The following UGT1A9 variants were observed in gnomAD, a reference collection of about 807,000 sequenced individuals.
UGT1A9 encodes UDP-glucuronosyltransferase 1A9.
Under a neutral mutation model 45.0 loss-of-function variants are expected in UGT1A9, and 35 were observed. The observed-to-expected ratio is 0.78, with a 90% CI of 0.59 to 1.03. UGT1A9 has a LOEUF of 1.03. UGT1A9 is among the 50% of genes least tolerant of loss of function. The probability of loss-of-function intolerance (pLI) is 0.00; values close to 1 mark genes in which losing one functional copy is unlikely to be tolerated. For synonymous variants in UGT1A9, 278 were observed against 250.6 expected (o/e 1.11, Z -1.03); for missense variants, 687 against 666.6 (o/e 1.03, Z -0.34).
intron 1 of UGT1A9, among the ~76,000 whole-genome samples, chr2:233,720,265 G>T (rs928123485): frequency 1.2e-4 from 19 of 152,154 alleles, no homozygotes; most frequent in Admixed American, 1.0e-3. Flanking sequence ...AGAGGGATCT[G>T]TCCTGAGAAA....
At chr2:233,736,291 G>A (rs1279591906) in intron 1 of UGT1A9, among the ~76,000 whole-genome samples, 1 of 151,976 alleles carries the variant, frequency 6.6e-6, no homozygotes, top group Admixed American at 6.6e-5. Flanking sequence ...CTTTCTTCCA[G>A]TTGCTCTAAT....
intron 1 of UGT1A9, among the ~76,000 whole-genome samples, chr2:233,736,037 C>T (rs2078722692): frequency 6.6e-6 from 1 of 152,038 alleles, no homozygotes; most frequent in African/African-American, 2.4e-5. Flanking sequence ...TCTGTATTTC[C>T]TGAATTTGAA....
At chr2:233,705,226 CT>C (rs1230917250) in intron 1 of UGT1A9, among the ~76,000 whole-genome samples, 3 of 151,792 alleles carry the variant, frequency 2.0e-5, no homozygotes, top group Non-Finnish European at 4.4e-5. Context: ...ATTATCAGTG[CT>C]TTTTTTCTGT....
rs45470199 is a variant in UGT1A9, at chr2:233,713,204, A to G, written c.855+40415A>G. The G allele has an allele frequency of 2.1e-3, 3,394 of 1,614,240 alleles. 62 individuals are homozygous for G. In the African/African-American group the frequency reaches 0.04, roughly 19 times the overall value. Reference sequence around the variant, plus strand: ...TGGAGGTGAATATGTACATCAAAGAAGAGAACTTTTTCACCCTGACAACGT... The same window carrying G: ...TGGAGGTGAATATGTACATCAAAGAGGAGAACTTTTTCACCCTGACAACGT... On this transcript the variant is annotated intron_variant, in intron 1 of 4. Transcript: ENST00000354728.
At chr2:233,680,009 C>G (rs1575424951) in intron 1 of UGT1A9, among the ~76,000 whole-genome samples, 1 of 152,172 alleles carries the variant, frequency 6.6e-6, no homozygotes, top group East Asian at 1.9e-4. Flanking sequence ...TCTTTTCTTT[C>G]TTTCTCTCTC....
At chr2:233,681,193 A>G (rs2074513276) in intron 1 of UGT1A9, among the ~76,000 whole-genome samples, 1 of 152,006 alleles carries the variant, frequency 6.6e-6, no homozygotes, top group South Asian at 2.1e-4. Context: ...TTTCCGTCGA[A>G]CATGAGATGC....
intron 1 of UGT1A9, among the ~76,000 whole-genome samples, chr2:233,706,039 G>A (rs2075885693): frequency 6.6e-6 from 1 of 152,158 alleles, no homozygotes; most frequent in South Asian, 2.1e-4. Flanking sequence ...AGGTTGCAGT[G>A]AGCCGAGATC....
intron 1 of UGT1A9, among the ~76,000 whole-genome samples, chr2:233,735,780 G>A (rs1327428740): frequency 7.9e-5 from 12 of 152,112 alleles, no homozygotes; most frequent in Admixed American, 6.5e-4. Context: ...GCTTACTTTG[G>A]CTGCATATGA....
chr2:233,724,791 C>T (rs1433624542), intron 1 of UGT1A9, among the ~76,000 whole-genome samples: 3 of 139,654 alleles, frequency 2.1e-5, no homozygotes, highest in Non-Finnish European at 4.6e-5. Context: ...ACTTCCCAGA[C>T]GGGGTGGCGG....
At chr2:233,691,247 C>G in intron 1 of UGT1A9, 1 of 985,544 alleles carries the variant, frequency 1.0e-6, no homozygotes, top group Non-Finnish European at 1.2e-6. Flanking sequence ...TCTAGATGAA[C>G]TCAAAGCAAG....
chr2:233,740,156 C>T (rs578012287), intron 1 of UGT1A9, among the ~76,000 whole-genome samples: 1 of 151,870 alleles, frequency 6.6e-6, no homozygotes, highest in Non-Finnish European at 1.5e-5. Context: ...GAGGCCTCCC[C>T]AGTCATGTGG....
intron 1 of UGT1A9, chr2:233,719,399 T>C (rs2076762082): frequency 1.2e-6 from 2 of 1,613,992 alleles, no homozygotes; most frequent in Non-Finnish European, 8.5e-7. Context: ...CTTCCTCCTA[T>C]ATTCCTAAGT....
intron 4 of UGT1A9, chr2:233,771,329 T>A (rs751904173): frequency 3.9e-5 from 6 of 152,320 alleles, no homozygotes; most frequent in Middle Eastern, 6.8e-3. Flanking sequence ...TTCAATCTCC[T>A]CTTCATTCCT....
At chr2:233,700,875 CCCCCA>C (rs555944194) in intron 1 of UGT1A9, among the ~76,000 whole-genome samples, 3 of 152,002 alleles carry the variant, frequency 2.0e-5, no homozygotes, top group Non-Finnish European at 4.4e-5. Context: ...CTCCCTCCTC[CCCCCA>C]CCCCACAACA....
At chr2:233,726,270 A>G (rs6711351) in intron 1 of UGT1A9, among the ~76,000 whole-genome samples, 81,704 of 152,100 alleles carry the variant, frequency 0.54, 23,602 homozygotes, top group African/African-American at 0.76. Context: ...GCATGCGCCT[A>G]TGGTCCCAGG....
chr2:233,746,462 G>C (rs1030213757), intron 1 of UGT1A9, among the ~76,000 whole-genome samples: 10 of 151,612 alleles, frequency 6.6e-5, no homozygotes, highest in Admixed American at 3.9e-4. Context: ...CCTTCAAAAG[G>C]GTTCCAGAAA....
In UGT1A9 at chr2:233,743,994, T is replaced by A. The variant is rs60469444; in HGVS notation, c.856-23040T>A. ...GCCAGCACCCAGGCGCAGGCCCGAGTGCTCGGAGACCTGGGCCGCCTGGAG... is the reference window on the plus strand; with the variant it reads ...GCCAGCACCCAGGCGCAGGCCCGAGAGCTCGGAGACCTGGGCCGCCTGGAG... On this transcript the variant is annotated intron_variant, in intron 1 of 4. Transcript: ENST00000354728. The A allele has an allele frequency of 4.3e-3, 5,381 of 1,253,154 alleles. 300 individuals are homozygous for A. The African/African-American group carries it at 0.076, about 18-fold the overall frequency. 77.6% of individuals were successfully genotyped at this position (1,253,154 alleles called of 1,614,324 possible). A position where few individuals can be genotyped will look rare whatever the true frequency, so the allele number is the denominator to read the frequency against.
chr2:233,772,602 G>A lies in UGT1A9; in HGVS notation c.*43G>A. 6.3e-7 allele frequency: 1 copy of A among 1,589,502 alleles called. No individual in the cohort carries two copies. Among genetic ancestry groups the A allele is most frequent in the Non-Finnish European group, 8.6e-7 (1 of 1,167,066 alleles). On this transcript the variant is annotated 3_prime_UTR_variant, in exon 5 of 5. Transcript: ENST00000354728. The stretch of plus-strand genomic sequence containing the variant: ...AGGTAAAATTTTGAACCATTCCCTA[G>A]TCATTTCCAAACTTGAAAACAGAAT...
At chr2:233,735,004 G>A (rs1486345884) in intron 1 of UGT1A9, among the ~76,000 whole-genome samples, 1 of 152,208 alleles carries the variant, frequency 6.6e-6, no homozygotes, top group Non-Finnish European at 1.5e-5. Flanking sequence ...ACTTAGGGTG[G>A]AGAGTTCTGT....
Sources: allele counts gnomAD v4.1 joint callset (sites outside exome capture counted in the v4.1 genomes callset), GRCh38; gene constraint gnomAD v4.1.1; transcripts MANE v1.5; gene names NCBI Gene and HGNC (gene_info 2026-07-23, HGNC 2026-07-21).